The following NEBL variants were observed in gnomAD, a reference collection of about 807,000 sequenced individuals.
NEBL encodes the protein LIM and SH3 protein 2.
In NEBL, 122 loss-of-function variants were observed where a neutral mutation model predicts 140.2. That is an observed-to-expected ratio of 0.87 (90% CI 0.75 to 1.01). The LOEUF is 1.01. Among genes scored for constraint, NEBL ranks in the 50% least tolerant of loss-of-function variants. The pLI is 0.00. For missense variants in NEBL, 1,365 were observed against 1,231.3 expected (o/e 1.11, Z -1.62); for synonymous variants, 436 against 398.9 (o/e 1.09, Z -1.11).
At chr10:21,001,411 C>T (rs1210712613) in intron 3 of NEBL, among the ~76,000 whole-genome samples, 1 of 152,102 alleles carries the variant, frequency 6.6e-6, no homozygotes, top group African/African-American at 2.4e-5. Context: ...ATTTTTCCAA[C>T]TTGTAAGGTG....
intron 26 of NEBL, among the ~76,000 whole-genome samples, chr10:20,807,779 T>C (rs146970780): frequency 6.6e-6 from 1 of 152,298 alleles, no homozygotes; most frequent in African/African-American, 2.4e-5. Flanking sequence ...TACTAAAATA[T>C]AACTGCAATG....
intron 3 of NEBL, among the ~76,000 whole-genome samples, chr10:20,992,975 G>C (rs1489175907): frequency 1.3e-5 from 2 of 151,228 alleles, no homozygotes; most frequent in Non-Finnish European, 2.9e-5. Context: ...AGTAGAGACG[G>C]GGTTTCACTG....
At chr10:21,087,323 T>C (rs1353597155) in intron 2 of NEBL, among the ~76,000 whole-genome samples, 4 of 152,242 alleles carry the variant, frequency 2.6e-5, no homozygotes, top group Non-Finnish European at 5.9e-5. Context: ...TTGTGTGAGA[T>C]GAGCCTGGCT....
intron 2 of NEBL, among the ~76,000 whole-genome samples, chr10:21,098,999 G>A (rs1837342526): frequency 6.6e-6 from 1 of 152,142 alleles, no homozygotes; most frequent in South Asian, 2.1e-4. Flanking sequence ...TGGACATGGT[G>A]GCACACACCT....
chr10:20,998,951 C>T (rs1004048309), intron 3 of NEBL, among the ~76,000 whole-genome samples: 8 of 152,124 alleles, frequency 5.3e-5, no homozygotes, highest in African/African-American at 1.4e-4. Context: ...AAACAGGATC[C>T]GCCATCTGGA....
At chr10:20,800,027 A>G (rs537856927) in intron 26 of NEBL, among the ~76,000 whole-genome samples, 1 of 152,104 alleles carries the variant, frequency 6.6e-6, no homozygotes, top group Admixed American at 6.6e-5. Context: ...AAAATCTCTA[A>G]CATAATTTTA....
chr10:20,803,559 T>C (rs1297417461), intron 26 of NEBL, among the ~76,000 whole-genome samples: 2 of 152,074 alleles, frequency 1.3e-5, no homozygotes, highest in East Asian at 3.9e-4. Flanking sequence ...TTTCTAAATA[T>C]TTATAAACAT....
intron 2 of NEBL, among the ~76,000 whole-genome samples, chr10:21,051,155 T>G (rs1444303060): frequency 6.6e-6 from 1 of 152,144 alleles, no homozygotes; most frequent in Non-Finnish European, 1.5e-5. Context: ...CACCTCAACC[T>G]CAACCTGACT....
chr10:20,797,715 T>C (rs1836691412), intron 26 of NEBL, among the ~76,000 whole-genome samples: 1 of 152,080 alleles, frequency 6.6e-6, no homozygotes, highest in South Asian at 2.1e-4. Context: ...TAAGGATAGT[T>C]AGACAGGAGC....
chr10:21,091,670 G>C (rs1836918454), intron 2 of NEBL, among the ~76,000 whole-genome samples: 1 of 152,134 alleles, frequency 6.6e-6, no homozygotes, highest in Non-Finnish European at 1.5e-5. Context: ...CTCTGTCCAA[G>C]GCTGAAGTAC....
intron 4 of NEBL, among the ~76,000 whole-genome samples, chr10:20,914,641 G>A (rs1052223662): frequency 6.6e-6 from 1 of 152,030 alleles, no homozygotes; most frequent in African/African-American, 2.4e-5. Context: ...ATATTTTCCA[G>A]GTTTGTTAAC....
intron 3 of NEBL, among the ~76,000 whole-genome samples, chr10:20,985,317 C>T (rs1184187569): frequency 6.6e-6 from 1 of 152,118 alleles, no homozygotes; most frequent in African/African-American, 2.4e-5. Flanking sequence ...TCCCCATGCC[C>T]TTCAACCTCA....
chr10:21,029,169 T>C (rs952049299), intron 2 of NEBL: 1 of 1,344,444 alleles, frequency 7.4e-7, no homozygotes, highest in Non-Finnish European at 1.1e-6. Context: ...TTTGACACAG[T>C]AATGATAACA....
intron 7 of NEBL, among the ~76,000 whole-genome samples, chr10:20,863,342 C>T (rs1843924967): frequency 1.3e-5 from 2 of 152,134 alleles, no homozygotes; most frequent in Admixed American, 1.3e-4. Context: ...GAAGGTGTTT[C>T]ACCATAGCCA....
chr10:21,054,708 C>A (rs777787105), intron 2 of NEBL, among the ~76,000 whole-genome samples: 4 of 151,982 alleles, frequency 2.6e-5, no homozygotes, highest in Non-Finnish European at 5.9e-5. Flanking sequence ...ATGAAAATGC[C>A]AAGCTCTGCC....
rs758170499 is a variant in NEBL, at chr10:21,173,759, G to A, written c.69+6C>T. 1.2e-6 allele frequency: 2 copies of A among 1,612,668 alleles called. No individual in the cohort carries two copies. The highest frequency in any genetic ancestry group is 1.7e-6 in the Non-Finnish European group (2 of 1,179,798). On this transcript the variant is annotated splice_donor_region_variant and intron_variant, in intron 1 of 6. Coordinates refer to the NEBL transcript ENST00000417816. This position sits in a 1 kb window ranked among gnomAD's most constrained non-coding sequence, Gnocchi z 5.7. ...GTCCAGGCTGGCCCGGCGCCCCCTC[G>A]CTCACCTTATCCAGGCAGTTGACTT...
chr10:20,849,748 A>T (rs1455293841), intron 11 of NEBL, among the ~76,000 whole-genome samples: 2 of 152,210 alleles, frequency 1.3e-5, no homozygotes, highest in African/African-American at 4.8e-5. Flanking sequence ...TGTTATAGCA[A>T]CACAAAATGG....
chr10:20,859,887 C>T, intron 7 of NEBL, 61 bp from the exon 8 acceptor site: 1 of 791,448 alleles, frequency 1.3e-6, no homozygotes, highest in Non-Finnish European at 2.1e-6. Context: ...ATATGATTTT[C>T]ACGTAGATAA....
At chr10:21,217,716 G>A (rs1402341125) in intron 3 of NEBL, among the ~76,000 whole-genome samples, 1 of 152,088 alleles carries the variant, frequency 6.6e-6, no homozygotes, top group Non-Finnish European at 1.5e-5. Flanking sequence ...GAAGATTCAT[G>A]GTATTTGTGA....
Sources: gnomAD v4.1 joint callset for allele counts (sites outside exome capture counted in the v4.1 genomes callset) on GRCh38, gnomAD v4.1.1 for gene constraint, Gnocchi (gnomAD v3.1) non-coding constraint, MANE v1.5 for transcripts, NCBI Gene and HGNC (gene_info 2026-07-23, HGNC 2026-07-21) for gene names.